UBE2D2: variants seen among roughly 807,000 people sequenced by gnomAD.
UBE2D2 encodes ubiquitin-conjugating enzyme E2 D2.
A neutral mutation model predicts 24.2 loss-of-function variants in UBE2D2; 2 were observed. That is an observed-to-expected ratio of 0.08 (90% CI 0.03 to 0.26). UBE2D2 has a LOEUF of 0.26. Among genes scored for constraint, UBE2D2 ranks in the 10% least tolerant of loss-of-function variants. The pLI, the probability that UBE2D2 is intolerant of heterozygous loss-of-function variation, is 1.00. For synonymous variants in UBE2D2, 58 were observed against 56.5 expected (o/e 1.03, Z -0.12); for missense variants, 44 against 177.6 (o/e 0.25, Z 4.28).
At chr5:139,546,853 CCTTCCTTCCTTCCTTCCTTT>C (rs879363187) in intron 1 of UBE2D2, among the ~76,000 whole-genome samples, 4 of 140,504 alleles carry the variant, frequency 2.8e-5, no homozygotes, top group Non-Finnish European at 4.7e-5. Flanking sequence ...TTCCTTCCTT[CCTTCCTTCCTTCCTTCCTTT>C]CTTTCCTTCT....
intron 2 of UBE2D2, among the ~76,000 whole-genome samples, chr5:139,604,381 G>A (rs932456942): frequency 4.6e-5 from 7 of 151,774 alleles, no homozygotes; most frequent in African/African-American, 9.7e-5. Flanking sequence ...CAAGTGATCC[G>A]CCCACCTCTA....
At chr5:139,573,688 G>A (rs1022133076) in intron 1 of UBE2D2, among the ~76,000 whole-genome samples, 2 of 151,984 alleles carry the variant, frequency 1.3e-5, no homozygotes, top group African/African-American at 2.4e-5. Flanking sequence ...TGTCTTTCTC[G>A]GCCGGGCGCA....
intron 5 of UBE2D2, among the ~76,000 whole-genome samples, chr5:139,618,443 C>G (rs1468614090): frequency 6.6e-6 from 1 of 152,156 alleles, no homozygotes; most frequent in Non-Finnish European, 1.5e-5. Flanking sequence ...TGGTAGGCCC[C>G]CTTACAATTC....
intron 1 of UBE2D2, among the ~76,000 whole-genome samples, chr5:139,567,564 C>T (rs187659478): frequency 2.6e-5 from 3 of 114,460 alleles, no homozygotes; most frequent in Admixed American, 2.0e-4. Context: ...GATAGAGTCT[C>T]GCTCTGTTGC....
intron 2 of UBE2D2, among the ~76,000 whole-genome samples, chr5:139,610,589 G>A (rs1044017345): frequency 6.7e-5 from 10 of 149,070 alleles, no homozygotes; most frequent in Non-Finnish European, 1.2e-4. Flanking sequence ...AAATCCAGGA[G>A]GGTCTGGGCA....
Position 139,608,634 on chromosome 5 carries a change from T to C in UBE2D2, c.89-5952T>C, listed in dbSNP as rs150245254. On this transcript the variant is annotated intron_variant, in intron 2 of 6. Transcript: ENST00000398733. ...AAGAAGGGTATTCTTTCCATAATTA[T>C]AAACATTGGCAGCTTGTTGGCATTT... Among the ~76,000 whole-genome samples the C allele has an allele frequency of 3.9e-4, 59 of 152,280 alleles. No homozygotes were observed. In the East Asian group the frequency reaches 0.011, roughly 27 times the overall value.
chr5:139,578,676 C>G (rs1753534677), intron 1 of UBE2D2, among the ~76,000 whole-genome samples: 2 of 151,946 alleles, frequency 1.3e-5, no homozygotes, highest in Admixed American at 1.3e-4. Flanking sequence ...TGCTCTCAAA[C>G]TCCTGTATTC....
chr5:139,564,793 C>T (rs1753183979), intron 1 of UBE2D2, among the ~76,000 whole-genome samples: 1 of 152,134 alleles, frequency 6.6e-6, no homozygotes, highest in East Asian at 1.9e-4. Context: ...CCATTTTCCC[C>T]TAGTTTATTC....
In UBE2D2 at chr5:139,576,429, T is replaced by G. The variant is rs542932799; in HGVS notation, c.24+14614T>G. Among the ~76,000 whole-genome samples the G allele has an allele frequency of 2.6e-5, 4 of 151,340 alleles. No individual in the cohort carries two copies. In the East Asian group the frequency reaches 7.8e-4, roughly 29 times the overall value. On this transcript the variant is annotated intron_variant, in intron 1 of 6. Transcript: ENST00000398733. ...ACCTTCTCTGTGTGTGTCTTCTCTT[T>G]TGTGTCTTATATGGCCACTTGTCAT...
At chr5:139,595,126 T>C (rs1753933348) in intron 1 of UBE2D2, among the ~76,000 whole-genome samples, 1 of 152,218 alleles carries the variant, frequency 6.6e-6, no homozygotes, top group Non-Finnish European at 1.5e-5. Context: ...CTGTACTTTA[T>C]TTCCCTATTG....
At chr5:139,576,965 G>T (rs1022943069) in intron 1 of UBE2D2, among the ~76,000 whole-genome samples, 66 of 105,452 alleles carry the variant, frequency 6.3e-4, no homozygotes, top group South Asian at 9.4e-4. Context: ...TTTTTAACTT[G>T]AATTTTTTTT....
intron 1 of UBE2D2, among the ~76,000 whole-genome samples, chr5:139,573,765 C>T (rs551327975): frequency 2.6e-5 from 4 of 152,016 alleles, no homozygotes; most frequent in South Asian, 2.1e-4. Context: ...GTCAAGAGAT[C>T]GAGACCATCC....
intron 1 of UBE2D2, among the ~76,000 whole-genome samples, chr5:139,529,004 A>G (rs754260436): frequency 2.6e-5 from 4 of 152,134 alleles, no homozygotes; most frequent in Non-Finnish European, 5.9e-5. Context: ...TGCGGGACTC[A>G]TTTTCCTCAA....
chr5:139,561,650 C>T lies in UBE2D2; in HGVS notation c.-142C>T, dbSNP rs1753098201. On this transcript the variant is annotated 5_prime_UTR_variant, in exon 1 of 7. Coordinates refer to ENST00000398733, the MANE Select transcript of UBE2D2 (RefSeq NM_003339.3). Reference sequence around the variant, plus strand: ...GAGTGGGCCCCGGCCCTCAGCCCGTCCCGCCGGACCCGCTTTCCTCAACTC... The same window carrying T: ...GAGTGGGCCCCGGCCCTCAGCCCGTTCCGCCGGACCCGCTTTCCTCAACTC... The T allele has an allele frequency of 1.7e-6, 1 of 582,288 alleles. No homozygotes were observed. 36.1% of individuals were successfully genotyped at this position (582,288 alleles called of 1,614,324 possible).
At chr5:139,622,734 C>T (rs940668151) in intron 5 of UBE2D2, among the ~76,000 whole-genome samples, 1 of 143,306 alleles carries the variant, frequency 7.0e-6, no homozygotes, top group African/African-American at 2.6e-5. Context: ...ACTAAAAATA[C>T]AAAAAATTAG....
At chr5:139,570,499 C>A (rs1041722919) in intron 1 of UBE2D2, among the ~76,000 whole-genome samples, 1 of 151,858 alleles carries the variant, frequency 6.6e-6, no homozygotes, top group African/African-American at 2.4e-5. Context: ...TGCCACCACG[C>A]CCGGCTAATT....
chr5:139,584,595 C>T (rs1312708184), intron 1 of UBE2D2, among the ~76,000 whole-genome samples: 6 of 146,384 alleles, frequency 4.1e-5, no homozygotes, highest in Non-Finnish European at 8.9e-5. Context: ...TGCAGTGGCG[C>T]GATCTCGGCT....
intron 1 of UBE2D2, among the ~76,000 whole-genome samples, chr5:139,585,343 G>A (rs1443607225): frequency 6.6e-6 from 1 of 151,800 alleles, no homozygotes; most frequent in Non-Finnish European, 1.5e-5. Flanking sequence ...CTCCTGAGTA[G>A]CTAGTACTAC....
chr5:139,598,552 C>CTTTTT (rs746165110), intron 1 of UBE2D2, among the ~76,000 whole-genome samples: 9 of 104,952 alleles, frequency 8.6e-5, no homozygotes, highest in African/African-American at 1.7e-4. Context: ...ACTACAAAGC[C>CTTTTT]TTTTTTTTTT....
Sources: allele counts gnomAD v4.1 joint callset (sites outside exome capture counted in the v4.1 genomes callset), GRCh38; gene constraint gnomAD v4.1.1; transcripts MANE v1.5; gene names NCBI Gene and HGNC (gene_info 2026-07-23, HGNC 2026-07-21).